SMC3: variants seen among roughly 807,000 people sequenced by gnomAD.
SMC3 encodes the protein structural maintenance of chromosomes 3.
SMC3 carries 20 observed loss-of-function variants against 171.8 expected under a neutral mutation model. The observed-to-expected ratio is 0.12, with a 90% CI of 0.08 to 0.17. The LOEUF (loss-of-function observed/expected upper bound fraction) is 0.17, where lower values mean the gene tolerates loss of function less well. SMC3 is among the 10% of genes least tolerant of loss of function. SMC3 has a pLI of 1.00. For synonymous variants in SMC3, 464 were observed against 451.1 expected (o/e 1.03, Z -0.36); for missense variants, 543 against 1,420.4 (o/e 0.38, Z 9.93).
Position 110,601,994 on chromosome 10 carries a change from C to T in SMC3, c.2921C>T (p.Thr974Ile). ...QLFRKLEQCNTELKKYSHVNK... is the reference protein window; with the variant it reads ...QLFRKLEQCNIELKKYSHVNK... The stretch of plus-strand genomic sequence containing the variant: ...TTTCGAAAACTTGAGCAGTGCAACA[C>T]AGAATTAAAGAAGTACAGCCATGTT... Residue 974 changes from threonine to isoleucine, a missense_variant, in exon 25 of 29, where the codon ACA becomes ATA. This residue lies in a region of SMC3 where 81 missense variants were observed against 184.2 expected (regional missense o/e 0.44). Coordinates refer to ENST00000361804, the MANE Select transcript of SMC3 (RefSeq NM_005445.4). 1 of 1,613,430 alleles carries T rather than the reference C, an allele frequency of 6.2e-7. No individual in the cohort carries two copies. The highest frequency in any genetic ancestry group is 8.5e-7 in the Non-Finnish European group (1 of 1,179,902).
In SMC3 at chr10:110,586,568, T is replaced by C. The variant is rs867232022; in HGVS notation, c.1305+2172T>C. ...GCTTGAAGTTCATTATTTTCCAGTA[T>C]TCCAGCCACACTTTTGGTTATCAGA... On this transcript the variant is annotated intron_variant, in intron 13 of 28. Transcript: ENST00000361804. Among the ~76,000 whole-genome samples, 4 of 152,242 alleles carry C rather than the reference T, an allele frequency of 2.6e-5. No homozygotes were observed. The South Asian group carries it at 8.3e-4, about 32-fold the overall frequency.
chr10:110,589,491 TCCTC>T, intron 13 of SMC3, 110 bp from the exon 14 acceptor site: 1 of 701,704 alleles, frequency 1.4e-6, no homozygotes, highest in Non-Finnish European at 2.5e-6. Context: ...CCTTTGTAAT[TCCTC>T]CCTCACCTTT....
intron 2 of SMC3, 117 bp from the exon 3 acceptor site, chr10:110,573,590 T>G: frequency 1.5e-6 from 1 of 663,672 alleles, no homozygotes; most frequent in Admixed American, 2.5e-5. Flanking sequence ...TAATTTCAGA[T>G]GTTAAGATGT....
In SMC3 at chr10:110,600,557, GTTTTTT is replaced by G. The variant is rs397847637; in HGVS notation, c.2535+23_2535+28del. The stretch of plus-strand genomic sequence containing the variant: ...GACCAAGTAGAACAGGTGTGTATGT[GTTTTTT>G]TTTTTTTTTTTAAGGGCTCCTTGGT... On this transcript the variant is annotated intron_variant, in intron 22 of 28. Transcript: ENST00000361804. The G allele has an allele frequency of 1.2e-5, 12 of 976,946 alleles. No individual in the cohort carries two copies. The highest frequency in any genetic ancestry group is 5.5e-5 in the South Asian group (4 of 73,182). The allele number at this position is 976,946 out of a possible 1,614,324, so 60.5% of individuals were successfully genotyped here. A position where few individuals can be genotyped will look rare whatever the true frequency, so the allele number is the denominator to read the frequency against.
chr10:110,580,237 A>T (rs1861012060), intron 7 of SMC3, among the ~76,000 whole-genome samples: 1 of 152,148 alleles, frequency 6.6e-6, no homozygotes, highest in Non-Finnish European at 1.5e-5. Context: ...TGGTACCTGC[A>T]GGGGGTCCTA....
Position 110,603,022 on chromosome 10 carries a change from T to C in SMC3, c.3475+20T>C. The C allele has an allele frequency of 6.2e-7, 1 of 1,613,712 alleles. No individual in the cohort carries two copies. The highest frequency in any genetic ancestry group is 8.5e-7 in the Non-Finnish European group (1 of 1,179,616). ...TGTCAGGTACAGTTTCAGTACAGTT[T>C]TGGTTTTGTATTTAACAATAAGCTG... On this transcript the variant is annotated intron_variant, in intron 27 of 28. Transcript: ENST00000361804.
chr10:110,598,409 A>AT, intron 20 of SMC3, 119 bp downstream of exon 20: 4 of 1,134,268 alleles, frequency 3.5e-6, no homozygotes, highest in Admixed American at 2.0e-5. Flanking sequence ...TTGGACCCAT[A>AT]CTTTTTTTTT....
intron 20 of SMC3, 41 bp from the exon 21 acceptor site, chr10:110,599,613 A>G: frequency 6.3e-7 from 1 of 1,575,926 alleles, no homozygotes; most frequent in Non-Finnish European, 8.7e-7. Flanking sequence ...TAAGTAATAC[A>G]GTGGCTAATA....
At chr10:110,598,096 A>C (rs778918338) in intron 19 of SMC3, 43 bp from the exon 20 acceptor site, 1 of 1,568,898 alleles carries the variant, frequency 6.4e-7, no homozygotes, top group Non-Finnish European at 8.8e-7. Flanking sequence ...AGAACATACG[A>C]TATATTTACA....
intron 17 of SMC3, among the ~76,000 whole-genome samples, chr10:110,591,786 T>C (rs1262665281): frequency 1.3e-5 from 2 of 152,174 alleles, no homozygotes; most frequent in African/African-American, 4.8e-5. Context: ...GAATGATCAA[T>C]AATTTAAGTG....
intron 16 of SMC3, 39 bp downstream of exon 16, chr10:110,590,611 G>A: frequency 6.3e-7 from 1 of 1,586,754 alleles, no homozygotes; most frequent in Non-Finnish European, 8.7e-7. Context: ...TTTTAGAAGA[G>A]GGAATAAGAA....
At chr10:110,572,623 G>A (rs1860888602) in intron 2 of SMC3, among the ~76,000 whole-genome samples, 1 of 152,070 alleles carries the variant, frequency 6.6e-6, no homozygotes, top group Non-Finnish European at 1.5e-5. Flanking sequence ...CACTGTGTAG[G>A]TATTATTTTT....
chr10:110,590,363 T>C, intron 15 of SMC3, 49 bp from the exon 16 acceptor site: 1 of 1,470,176 alleles, frequency 6.8e-7, no homozygotes, highest in Non-Finnish European at 9.5e-7. Flanking sequence ...TTACCAGGAG[T>C]GCCATTGATG....
intron 8 of SMC3, 37 bp from the exon 9 acceptor site, chr10:110,581,886 A>T (rs1861035903): frequency 6.5e-7 from 1 of 1,536,902 alleles, no homozygotes; most frequent in Non-Finnish European, 9.0e-7. Context: ...TAAAAATCTT[A>T]TTCAATTCTT....
chr10:110,598,039 G>A, intron 19 of SMC3, 100 bp from the exon 20 acceptor site: 2 of 1,077,316 alleles, frequency 1.9e-6, no homozygotes, highest in South Asian at 2.6e-5. Context: ...GTTATTTGGG[G>A]GTAAAGAAAA....
At chr10:110,589,105 T>C (rs1301900351) in intron 13 of SMC3, among the ~76,000 whole-genome samples, 2 of 152,040 alleles carry the variant, frequency 1.3e-5, no homozygotes, top group South Asian at 2.1e-4. Context: ...AAAACTGAAA[T>C]GGGGCCGGGC....
chr10:110,581,462 A>G (rs1417385507), intron 8 of SMC3, among the ~76,000 whole-genome samples: 1 of 152,010 alleles, frequency 6.6e-6, no homozygotes. Context: ...CAGATGATCC[A>G]CCTGCCTTGG....
chr10:110,601,880 A>G lies in SMC3; in HGVS notation c.2888A>G (p.Lys963Arg), dbSNP rs763108958. ...GAAAAGTACCAGACACTGAGCCTCA[A>G]ACAGGTTGGTTTTAAATTTGAAGTC... ...AFEKYQTLSL[K>R]QLFRKLEQCN... Residue 963 changes from lysine to arginine, a missense_variant, in exon 24 of 29, where the codon AAA (lysine) becomes AGA (arginine). Transcript: ENST00000361804. The G allele has an allele frequency of 7.4e-6, 12 of 1,613,842 alleles. No homozygotes were observed. The Admixed American group carries it at 1.3e-4, about 18-fold the overall frequency.
intron 8 of SMC3, 46 bp downstream of exon 8, chr10:110,581,067 GT>G: frequency 1.9e-6 from 2 of 1,054,416 alleles, no homozygotes; most frequent in Non-Finnish European, 3.0e-6. Context: ...GCAAATTACT[GT>G]TTTTGTGACA....
Sources: allele counts gnomAD v4.1 joint callset (sites outside exome capture counted in the v4.1 genomes callset), GRCh38; gene constraint gnomAD v4.1.1; regional missense constraint gnomAD v4.1.1; transcripts MANE v1.5; gene names NCBI Gene and HGNC (gene_info 2026-07-23, HGNC 2026-07-21).